Variants in HPRT1 observed in about 807,000 individuals in gnomAD.
HPRT1 encodes the protein hypoxanthine phosphoribosyltransferase 1.
Under a neutral mutation model 19.0 loss-of-function variants are expected in HPRT1, and 4 were observed. The observed-to-expected ratio is 0.21, with a 90% CI of 0.10 to 0.48. The LOEUF is 0.48. Among genes scored for constraint, HPRT1 ranks in the 20% least tolerant of loss-of-function variants. The pLI, the probability that HPRT1 is intolerant of heterozygous loss-of-function variation, is 0.98. For missense variants in HPRT1, 65 were observed against 164.0 expected (o/e 0.40, Z 3.30); for synonymous variants, 53 against 54.9 (o/e 0.97, Z 0.15).
intron 1 of HPRT1, among the ~76,000 whole-genome samples, chrX:134,468,344 G>A (rs2077602477): frequency 9.1e-6 from 1 of 110,473 alleles, no homozygotes; most frequent in African/African-American, 3.3e-5. Flanking sequence ...GCCGGGCGGG[G>A]TGGCTCACGC....
intron 1 of HPRT1, among the ~76,000 whole-genome samples, chrX:134,466,154 T>C (rs1211970958): frequency 9.0e-6 from 1 of 110,542 alleles, no homozygotes. Context: ...GCGCAGTGGC[T>C]CACACCTGTA....
intron 3 of HPRT1, among the ~76,000 whole-genome samples, chrX:134,485,695 A>G (rs902965582): frequency 1.1e-4 from 12 of 111,559 alleles, no homozygotes; most frequent in Non-Finnish European, 1.9e-4. Context: ...GCACCGTTGT[A>G]ATTGCTGTGG....
chrX:134,497,110 G>T (rs1181337679), intron 6 of HPRT1, among the ~76,000 whole-genome samples: 3 of 111,742 alleles, frequency 2.7e-5, no homozygotes, highest in Non-Finnish European at 5.6e-5. Context: ...ATAAATACTG[G>T]TTCTTTTGGC....
At chrX:134,480,454 G>GTT (rs35009311) in intron 3 of HPRT1, among the ~76,000 whole-genome samples, 13,098 of 99,513 alleles carry the variant, frequency 0.13, 852 homozygotes, top group East Asian at 0.22. Flanking sequence ...AATTAGAAAT[G>GTT]TTTTTTTTTT....
chrX:134,480,329 A>G (rs1395458257), intron 3 of HPRT1, among the ~76,000 whole-genome samples: 1 of 111,334 alleles, frequency 9.0e-6, no homozygotes, highest in Non-Finnish European at 1.9e-5. Flanking sequence ...TGGGCTTCCT[A>G]TTATTCATTC....
At chrX:134,475,784 A>C (rs2077623459) in intron 3 of HPRT1, among the ~76,000 whole-genome samples, 2 of 110,403 alleles carry the variant, frequency 1.8e-5, no homozygotes, top group Non-Finnish European at 3.8e-5. Flanking sequence ...AATTGAAGAA[A>C]TCCCCCTTTT....
At chrX:134,491,432 T>C (rs2077666183) in intron 5 of HPRT1, among the ~76,000 whole-genome samples, 2 of 111,556 alleles carry the variant, frequency 1.8e-5, no homozygotes, top group South Asian at 7.5e-4. Context: ...GTTGAAAATA[T>C]CATAAGTTGA....
At chrX:134,472,230 T>A (rs1294826778) in intron 1 of HPRT1, among the ~76,000 whole-genome samples, 1 of 111,043 alleles carries the variant, frequency 9.0e-6, no homozygotes, top group Non-Finnish European at 1.9e-5. Flanking sequence ...TGTCTCAGCC[T>A]CCCAAAGCAC....
intron 1 of HPRT1, among the ~76,000 whole-genome samples, chrX:134,470,980 A>G (rs1165120522): frequency 9.2e-6 from 1 of 109,083 alleles, no homozygotes; most frequent in African/African-American, 3.3e-5. Context: ...ACTTCTTACC[A>G]TTATTTGGTA....
intron 4 of HPRT1, among the ~76,000 whole-genome samples, chrX:134,489,654 G>T (rs2077661705): frequency 8.9e-6 from 1 of 111,789 alleles, no homozygotes; most frequent in Non-Finnish European, 1.9e-5. Context: ...GCGAAGTGAG[G>T]GTTTATGGTG....
chrX:134,481,495 ATCTG>A (rs1424370415), intron 3 of HPRT1, among the ~76,000 whole-genome samples: 21 of 98,134 alleles, frequency 2.1e-4, no homozygotes, highest in African/African-American at 5.6e-4. Flanking sequence ...CTCTATCTCT[ATCTG>A]TCTATCTCTA....
At chrX:134,495,252 C>T (rs966263990) in intron 6 of HPRT1, among the ~76,000 whole-genome samples, 1 of 109,142 alleles carries the variant, frequency 9.2e-6, no homozygotes, top group South Asian at 4.0e-4. Flanking sequence ...AGGTTTTTCC[C>T]ACCCAGTTCC....
intron 1 of HPRT1, 200 bp downstream of exon 1, chrX:134,460,538 G>T: frequency 3.8e-6 from 1 of 262,777 alleles, no homozygotes; most frequent in Middle Eastern, 1.1e-3. Context: ...GGTTTGGGGT[G>T]GGTCCCTCCT....
At chrX:134,493,915 A>G (rs984108128) in intron 6 of HPRT1, among the ~76,000 whole-genome samples, 1 of 111,746 alleles carries the variant, frequency 8.9e-6, no homozygotes, top group Admixed American at 9.6e-5. Context: ...AGGAAGTGAT[A>G]GGAAGGGGTG....
intron 1 of HPRT1, among the ~76,000 whole-genome samples, 174 bp from the exon 2 acceptor site, chrX:134,473,185 C>T (rs774735432): frequency 2.7e-5 from 3 of 112,205 alleles, no homozygotes; most frequent in Admixed American, 9.5e-5. Context: ...CCAACCCGCC[C>T]GGCCTGTTGT....
At chrX:134,463,631 G>C (rs763429563) in intron 1 of HPRT1, among the ~76,000 whole-genome samples, 18 of 111,668 alleles carry the variant, frequency 1.6e-4, no homozygotes, top group Non-Finnish European at 3.4e-4. Context: ...TATTGCAAAA[G>C]GTAGGAAAAG....
intron 1 of HPRT1, among the ~76,000 whole-genome samples, chrX:134,467,973 AT>A (rs369172664): frequency 3.9e-5 from 4 of 103,743 alleles, no homozygotes; most frequent in Admixed American, 2.1e-4. Context: ...TGCCTGGCTA[AT>A]TTTTTTTTTG....
intron 5 of HPRT1, among the ~76,000 whole-genome samples, 168 bp from the exon 6 acceptor site, chrX:134,493,340 C>T (rs1322096968): frequency 1.8e-5 from 2 of 111,764 alleles, no homozygotes; most frequent in Non-Finnish European, 3.8e-5. Context: ...GGCATTCTTA[C>T]TGCTTGCTGA....
chrX:134,493,731 T>C, intron 6 of HPRT1, 141 bp downstream of exon 6: 1 of 486,219 alleles, frequency 2.1e-6, no homozygotes, highest in Non-Finnish European at 3.7e-6. Context: ...TAAGATATAA[T>C]CCTTTTAAAT....
Sources: allele counts gnomAD v4.1 joint callset (sites outside exome capture counted in the v4.1 genomes callset), GRCh38; gene constraint gnomAD v4.1.1; transcripts MANE v1.5; gene names NCBI Gene and HGNC (gene_info 2026-07-23, HGNC 2026-07-21).